VAV2: variants seen among roughly 807,000 people sequenced by gnomAD.
The protein encoded by VAV2 is guanine nucleotide exchange factor VAV2.
VAV2 carries 67 observed loss-of-function variants against 132.5 expected under a neutral mutation model. The ratio of observed to expected loss-of-function variants is 0.51; its 90% CI spans 0.42 to 0.62. The LOEUF (loss-of-function observed/expected upper bound fraction) is 0.62, where lower values mean the gene tolerates loss of function less well. VAV2 is among the 20% of genes least tolerant of loss of function. The pLI, the probability that VAV2 is intolerant of heterozygous loss-of-function variation, is 0.00. For synonymous variants in VAV2, 492 were observed against 443.5 expected (o/e 1.11, Z -1.37); for missense variants, 938 against 1,153.6 (o/e 0.81, Z 2.71).
chr9:133,783,877 GTT>G (rs56069048), intron 18 of VAV2, among the ~76,000 whole-genome samples: 36,089 of 83,258 alleles, frequency 0.43, 4,731 homozygotes, highest in East Asian at 0.53. Context: ...TGGCTGGGCC[GTT>G]TTTTTTTTTT....
rs1382743768 is a variant in VAV2, at chr9:133,823,259, C to T, written c.449+11013G>A. On this transcript the variant is annotated intron_variant, in intron 4 of 29. Coordinates refer to ENST00000371850, the MANE Select transcript of VAV2 (RefSeq NM_001134398.2). This position sits in a 1 kb window ranked among gnomAD's most constrained non-coding sequence, Gnocchi z 5.5. ...GCAGTGAGAAACAGAAGCAGGAAGACAAGGGAAAGTTGGTGGCAGAGACTG... is the reference window on the plus strand; with the variant it reads ...GCAGTGAGAAACAGAAGCAGGAAGATAAGGGAAAGTTGGTGGCAGAGACTG... Among the ~76,000 whole-genome samples, 2 of 152,138 alleles carry T rather than the reference C, an allele frequency of 1.3e-5. No homozygotes were observed. Among genetic ancestry groups the T allele is most frequent in the African/African-American group, 4.8e-5 (2 of 41,406 alleles).
chr9:133,795,151 G>A (rs1834656151), intron 12 of VAV2, among the ~76,000 whole-genome samples: 1 of 152,254 alleles, frequency 6.6e-6, no homozygotes, highest in Admixed American at 6.5e-5. Flanking sequence ...TTCATGGGCA[G>A]AGGGAGCCAC....
chr9:133,837,384 G>A (rs185347786), intron 3 of VAV2, among the ~76,000 whole-genome samples: 1 of 152,282 alleles, frequency 6.6e-6, no homozygotes, highest in East Asian at 1.9e-4. Context: ...ACTAAAATAA[G>A]GCACAACAGT....
Position 133,763,890 on chromosome 9 carries a change from G to T in VAV2, c.*172C>A. 1.3e-6 allele frequency: 1 copy of T among 764,420 alleles called. No homozygotes were observed. The allele number at this position is 764,420 out of a possible 1,614,324, so 47.4% of individuals were successfully genotyped here. Reference sequence around the variant, plus strand: ...AGTGATGGGTCGCCGAGGGCAGGCTGACAGTGAAACGGTTCGAGTTTAGGA... The same window carrying T: ...AGTGATGGGTCGCCGAGGGCAGGCTTACAGTGAAACGGTTCGAGTTTAGGA... On this transcript the variant is annotated 3_prime_UTR_variant, in exon 30 of 30. Transcript: ENST00000371850. The surrounding 1 kb of genome is among the most constrained non-coding windows in gnomAD (Gnocchi z 6.8).
At chr9:133,776,280 C>A (rs764953612) in intron 23 of VAV2, among the ~76,000 whole-genome samples, 200 bp from the exon 24 acceptor site, 1 of 152,246 alleles carries the variant, frequency 6.6e-6, no homozygotes, top group Non-Finnish European at 1.5e-5. Context: ...TGAGTAGATG[C>A]CCCGTGGGTC....
Position 133,987,336 on chromosome 9 carries a change from G to A in VAV2, c.204+4739C>T, listed in dbSNP as rs991843365. On this transcript the variant is annotated intron_variant, in intron 1 of 29. Transcript: ENST00000371850. Reference sequence around the variant, plus strand: ...GAGGAGTGAGATCGAGGTTCAAAGCGCGTGGAGGACAGGGTGGGGAGAGGG... The same window carrying A: ...GAGGAGTGAGATCGAGGTTCAAAGCACGTGGAGGACAGGGTGGGGAGAGGG... Among the ~76,000 whole-genome samples, 12 of 152,218 alleles carry A rather than the reference G, an allele frequency of 7.9e-5. No homozygotes were observed. In the East Asian group the frequency reaches 9.6e-4, roughly 12 times the overall value.
intron 3 of VAV2, among the ~76,000 whole-genome samples, chr9:133,844,988 G>A (rs536321490): frequency 1.3e-5 from 2 of 152,368 alleles, no homozygotes; most frequent in East Asian, 3.9e-4. Flanking sequence ...TCAGCTACTG[G>A]AAACACCGTT....
intron 29 of VAV2, among the ~76,000 whole-genome samples, chr9:133,767,754 A>T (rs891354010): frequency 1.3e-5 from 2 of 152,258 alleles, no homozygotes; most frequent in African/African-American, 2.4e-5. Flanking sequence ...CTGAAGCCCC[A>T]TCCACCTGCC....
At chr9:133,975,099 A>G (rs1842464125) in intron 1 of VAV2, among the ~76,000 whole-genome samples, 1 of 152,166 alleles carries the variant, frequency 6.6e-6, no homozygotes, top group South Asian at 2.1e-4. Flanking sequence ...AAGCACCAAC[A>G]GGCCGTTTCA....
In VAV2 at chr9:133,885,876, A is replaced by G. The variant is rs745903086; in HGVS notation, c.322-24444T>C. On this transcript the variant is annotated intron_variant, in intron 2 of 29. Coordinates refer to ENST00000371850, the MANE Select transcript of VAV2 (RefSeq NM_001134398.2). The surrounding 1 kb of genome is among the most constrained non-coding windows in gnomAD (Gnocchi z 5.0). The stretch of plus-strand genomic sequence containing the variant: ...CTGGGACGGCCCATTGGTGACAACC[A>G]AACTCAGGTGTTCCTGAGTGTTCCT... Among the ~76,000 whole-genome samples the G allele has an allele frequency of 3.9e-5, 6 of 152,208 alleles. No homozygotes were observed. Among genetic ancestry groups the G allele is most frequent in the Non-Finnish European group, 7.3e-5 (5 of 68,040 alleles).
intron 1 of VAV2, among the ~76,000 whole-genome samples, chr9:133,971,391 G>A (rs901770105): frequency 2.6e-5 from 4 of 152,164 alleles, no homozygotes; most frequent in Non-Finnish European, 4.4e-5. Flanking sequence ...CCAGGAGGGG[G>A]CCACATGTTC....
At chr9:133,816,492 A>C (rs910214867) in intron 4 of VAV2, among the ~76,000 whole-genome samples, 1 of 152,188 alleles carries the variant, frequency 6.6e-6, no homozygotes, top group Admixed American at 6.5e-5. Flanking sequence ...TCTCAAGTTA[A>C]TTTATGTGCG....
At chr9:133,817,390 C>T (rs1457760635) in intron 4 of VAV2, among the ~76,000 whole-genome samples, 2 of 152,170 alleles carry the variant, frequency 1.3e-5, no homozygotes, top group African/African-American at 2.4e-5. Flanking sequence ...TGGTGGCGCA[C>T]GCCTGTAATC....
intron 2 of VAV2, among the ~76,000 whole-genome samples, chr9:133,905,445 A>AAAAG (rs1839614166): frequency 1.3e-5 from 2 of 151,112 alleles, no homozygotes; most frequent in Non-Finnish European, 2.9e-5. Context: ...AAAAAAAAAA[A>AAAAG]AAAAAGAAAC....
At chr9:133,860,842 A>C (rs1285667025) in intron 3 of VAV2, among the ~76,000 whole-genome samples, 2 of 152,174 alleles carry the variant, frequency 1.3e-5, no homozygotes, top group Admixed American at 6.5e-5. Context: ...CAAGTGTCAG[A>C]AGCAGGAGGC....
chr9:133,818,687 C>T lies in VAV2; in HGVS notation c.450-6471G>A, dbSNP rs1161828054. On this transcript the variant is annotated intron_variant, in intron 4 of 29. Coordinates refer to ENST00000371850, the MANE Select transcript of VAV2 (RefSeq NM_001134398.2). Reference sequence around the variant, plus strand: ...AGCCAATTCCCATAATAAATCCCCCCAGCCATCTACAGAGATCCCACTGGT... The same window carrying T: ...AGCCAATTCCCATAATAAATCCCCCTAGCCATCTACAGAGATCCCACTGGT... Among the ~76,000 whole-genome samples, 12 of 152,182 alleles carry T rather than the reference C, an allele frequency of 7.9e-5. 1 individual carries two copies. The highest frequency in any genetic ancestry group is 7.9e-4 in the Admixed American group (12 of 15,278).
In VAV2 at chr9:133,879,754, C is replaced by T. The variant is rs373724595; in HGVS notation, c.322-18322G>A. 3.9e-5 allele frequency among the ~76,000 whole-genome samples: 6 copies of T among 152,096 alleles called. No individual in the cohort carries two copies. Among genetic ancestry groups the T allele is most frequent in the East Asian group, 1.9e-4 (1 of 5,194 alleles). On this transcript the variant is annotated intron_variant, in intron 2 of 29. Coordinates refer to ENST00000371850, the MANE Select transcript of VAV2 (RefSeq NM_001134398.2). This position sits in a 1 kb window ranked among gnomAD's most constrained non-coding sequence, Gnocchi z 4.4. ...CCTACCGCCTTGCGAGCTGCAAGTC[C>T]GATCTGTGCAATGTGAGCCCCTGCA...
intron 1 of VAV2, among the ~76,000 whole-genome samples, chr9:133,951,744 C>T (rs145021156): frequency 1.3e-5 from 2 of 152,326 alleles, no homozygotes; most frequent in Admixed American, 1.3e-4. Flanking sequence ...CTCGGCTCTG[C>T]TGCAGGAATA....
chr9:133,858,464 C>A (rs1482006993), intron 3 of VAV2, among the ~76,000 whole-genome samples: 1 of 152,130 alleles, frequency 6.6e-6, no homozygotes, highest in African/African-American at 2.4e-5. Context: ...AACCCACGCC[C>A]GATGTATCCT....
Sources: allele counts gnomAD v4.1 joint callset (sites outside exome capture counted in the v4.1 genomes callset), GRCh38; gene constraint gnomAD v4.1.1; non-coding constraint Gnocchi (gnomAD v3.1); transcripts MANE v1.5; gene names NCBI Gene and HGNC (gene_info 2026-07-23, HGNC 2026-07-21).